The following ATP2C1 variants were observed in gnomAD, a reference collection of about 807,000 sequenced individuals.
The protein encoded by ATP2C1 is calcium-transporting ATPase type 2C member 1.
In ATP2C1, 31 loss-of-function variants were observed where a neutral mutation model predicts 120.5. The ratio of observed to expected loss-of-function variants is 0.26; its 90% confidence interval spans 0.19 to 0.35. The LOEUF is 0.35. ATP2C1 is among the 10% of genes least tolerant of loss of function. The pLI is 1.00. For missense variants in ATP2C1, 731 were observed against 1,107.5 expected (o/e 0.66, Z 4.83); for synonymous variants, 351 against 358.7 (o/e 0.98, Z 0.24).
intron 1 of ATP2C1, among the ~76,000 whole-genome samples, chr3:130,866,334 T>C (rs1250651489): frequency 6.6e-6 from 1 of 152,206 alleles, no homozygotes; most frequent in Non-Finnish European, 1.5e-5. Flanking sequence ...ACTTGAAATT[T>C]TTAGAGCCTC....
chr3:130,930,895 A>G (rs538423432), intron 3 of ATP2C1, among the ~76,000 whole-genome samples: 1 of 152,226 alleles, frequency 6.6e-6, no homozygotes, highest in Admixed American at 6.5e-5. Flanking sequence ...TGGATTAGGA[A>G]AATAATTAAC....
At chr3:130,944,156 G>A (rs1029448706) in intron 8 of ATP2C1, among the ~76,000 whole-genome samples, 53 of 152,178 alleles carry the variant, frequency 3.5e-4, no homozygotes, top group African/African-American at 1.2e-3. Flanking sequence ...TTACAGACTA[G>A]GCCTAAAGCC....
intron 26 of ATP2C1, among the ~76,000 whole-genome samples, chr3:130,999,051 C>T (rs767023665): frequency 2.0e-5 from 3 of 152,108 alleles, no homozygotes; most frequent in Admixed American, 6.5e-5. Flanking sequence ...CTGAGTACAG[C>T]GAATTCTCAC....
intron 1 of ATP2C1, among the ~76,000 whole-genome samples, chr3:130,872,654 G>A (rs1047020946): frequency 6.6e-6 from 1 of 151,484 alleles, no homozygotes. Context: ...GCACGAAATC[G>A]GCTCACTGCA....
intron 12 of ATP2C1, among the ~76,000 whole-genome samples, chr3:130,961,439 T>A (rs1411832201): frequency 6.6e-6 from 1 of 152,018 alleles, no homozygotes; most frequent in Non-Finnish European, 1.5e-5. Context: ...TTATGGGACC[T>A]TTAATGATCC....
intron 8 of ATP2C1, among the ~76,000 whole-genome samples, chr3:130,942,822 A>G (rs959580478): frequency 2.0e-5 from 3 of 152,108 alleles, no homozygotes; most frequent in Non-Finnish European, 4.4e-5. Flanking sequence ...GCCGATGACA[A>G]TACCTTGAAT....
At chr3:131,014,787 T>C (rs1229033717) in intron 26 of ATP2C1, among the ~76,000 whole-genome samples, 5 of 152,186 alleles carry the variant, frequency 3.3e-5, no homozygotes, top group Non-Finnish European at 7.4e-5. Flanking sequence ...TCACTGAGAC[T>C]AAAAACCTAC....
intron 17 of ATP2C1, among the ~76,000 whole-genome samples, chr3:130,969,979 ATAGTTGC>A (rs2061224688): frequency 6.6e-6 from 1 of 152,224 alleles, no homozygotes; most frequent in Admixed American, 6.5e-5. Flanking sequence ...TATATCACTC[ATAGTTGC>A]TATTACCAGC....
In ATP2C1 at chr3:130,884,251, T is replaced by C. The variant is rs182363258; in HGVS notation, c.108+33323T>C. Reference sequence around the variant, plus strand: ...CCACTGTGCCCGTTCTCCTTCTTAATTTCTTCATTGACCCACTGGTCATTC... The same window carrying C: ...CCACTGTGCCCGTTCTCCTTCTTAACTTCTTCATTGACCCACTGGTCATTC... On this transcript the variant is annotated intron_variant, in intron 1 of 26. Transcript: ENST00000504381. 4.2e-3 allele frequency among the ~76,000 whole-genome samples: 640 copies of C among 152,366 alleles called. 2 individuals carry two copies. The highest frequency in any genetic ancestry group is 5.9e-3 in the Non-Finnish European group (402 of 68,034).
At chr3:130,915,372 G>T (rs1310087990) in intron 2 of ATP2C1, among the ~76,000 whole-genome samples, 1 of 152,152 alleles carries the variant, frequency 6.6e-6, no homozygotes, top group Non-Finnish European at 1.5e-5. Context: ...GGAATTACAG[G>T]TATGAGCTAC....
intron 2 of ATP2C1, among the ~76,000 whole-genome samples, chr3:130,903,250 T>C (rs2057948980): frequency 6.6e-6 from 1 of 152,056 alleles, no homozygotes; most frequent in South Asian, 2.1e-4. Context: ...AATTAGCTTT[T>C]GAGGAACACC....
At chr3:130,911,318 G>T (rs1224571443) in intron 2 of ATP2C1, among the ~76,000 whole-genome samples, 1 of 149,670 alleles carries the variant, frequency 6.7e-6, no homozygotes, top group Non-Finnish European at 1.5e-5. Context: ...TTTTTATTGT[G>T]TCTATTTGAT....
Position 130,997,771 on chromosome 3 carries a change from G to A in ATP2C1, c.2391+18G>A, listed in dbSNP as rs887815008. On this transcript the variant is annotated intron_variant, in intron 25 of 27. Coordinates refer to ENST00000510168, the MANE Select transcript of ATP2C1 (RefSeq NM_001378687.1). ...GGCGTGAGGTATATTCACTGGCCAA[G>A]CTGCTATATTAACATGAATTCTGTA... 1.9e-6 allele frequency: 3 copies of A among 1,612,022 alleles called. No individual in the cohort carries two copies. Among genetic ancestry groups the A allele is most frequent in the African/African-American group, 2.7e-5 (2 of 74,850 alleles).
At chr3:130,864,223 A>G (rs2068099711) in intron 1 of ATP2C1, among the ~76,000 whole-genome samples, 1 of 152,226 alleles carries the variant, frequency 6.6e-6, no homozygotes, top group African/African-American at 2.4e-5. Context: ...GTTATGTTTT[A>G]GCAAAGAGAG....
At chr3:131,008,394 C>T (rs1203700992) in intron 26 of ATP2C1, among the ~76,000 whole-genome samples, 1 of 149,488 alleles carries the variant, frequency 6.7e-6, no homozygotes, top group Admixed American at 6.7e-5. Context: ...CCACTGCACT[C>T]CAGCCTGGGC....
chr3:130,906,200 A>G (rs1212150085), intron 2 of ATP2C1, among the ~76,000 whole-genome samples: 1 of 152,008 alleles, frequency 6.6e-6, no homozygotes, highest in African/African-American at 2.4e-5. Flanking sequence ...TTATCACCCC[A>G]GAAAGAAACC....
Position 130,894,674 on chromosome 3 carries a change from T to G in ATP2C1, c.-96T>G. 1.2e-6 allele frequency: 2 copies of G among 1,611,994 alleles called. No homozygotes were observed. The highest frequency in any genetic ancestry group is 1.7e-6 in the Non-Finnish European group (2 of 1,178,562). On this transcript the variant is annotated 5_prime_UTR_variant, in exon 2 of 28. Transcript: ENST00000510168. The surrounding 1 kb of genome is among the most constrained non-coding windows in gnomAD (Gnocchi z 4.5). ...CAGCCTGGGATTCCGGGGGCTTCTC[T>G]TCCTTGTCCTCCTCCTCTCCTCTCT...
Position 131,002,164 on chromosome 3 carries a change from A to G in ATP2C1, c.*814A>G, listed in dbSNP as rs1156670256. Reference sequence around the variant, plus strand: ...ATTGGGTTGAAGTTTATAATAAATTATATTAACATGTCTTCCTTTTTGAGG... The same window carrying G: ...ATTGGGTTGAAGTTTATAATAAATTGTATTAACATGTCTTCCTTTTTGAGG... On this transcript the variant is annotated 3_prime_UTR_variant, in exon 28 of 28. Transcript: ENST00000510168. The G allele has an allele frequency of 1.0e-6, 1 of 977,726 alleles. No homozygotes were observed. Among genetic ancestry groups the G allele is most frequent in the East Asian group, 1.1e-4 (1 of 8,796 alleles). The allele number at this position is 977,726 out of a possible 1,614,324, so 60.6% of individuals were successfully genotyped here. A position where few individuals can be genotyped will look rare whatever the true frequency, so the allele number is the denominator to read the frequency against.
rs1036396397 is a variant in ATP2C1, at chr3:131,002,229, C to G, written c.*879C>G. Reference sequence around the variant, plus strand: ...TTGTCAAATATCATTTTGTCATCCTCTAAATATAAATCCAAATACCTCAGC... The same window carrying G: ...TTGTCAAATATCATTTTGTCATCCTGTAAATATAAATCCAAATACCTCAGC... On this transcript the variant is annotated 3_prime_UTR_variant, in exon 28 of 28. Transcript: ENST00000510168. The G allele has an allele frequency of 1.0e-6, 1 of 967,280 alleles. No homozygotes were observed. Among genetic ancestry groups the G allele is most frequent in the African/African-American group, 1.8e-5 (1 of 56,940 alleles). 59.9% of individuals were successfully genotyped at this position (967,280 alleles called of 1,614,324 possible). A position where few individuals can be genotyped will look rare whatever the true frequency, so the allele number is the denominator to read the frequency against.
Sources: gnomAD v4.1 joint callset for allele counts (sites outside exome capture counted in the v4.1 genomes callset) on GRCh38, gnomAD v4.1.1 for gene constraint, Gnocchi (gnomAD v3.1) non-coding constraint, MANE v1.5 for transcripts, NCBI Gene and HGNC (gene_info 2026-07-23, HGNC 2026-07-21) for gene names.